Variants in CAPN13 observed in about 807,000 individuals in gnomAD.
The protein encoded by CAPN13 is calpain 13, also known as calpain-13.
Under a neutral mutation model 98.4 loss-of-function variants are expected in CAPN13, and 90 were observed. The observed-to-expected ratio is 0.92, with a 90% CI of 0.77 to 1.09. The LOEUF (loss-of-function observed/expected upper bound fraction) is 1.09. Ranked by LOEUF, CAPN13 falls within the 50% of genes least tolerant of loss-of-function variation. CAPN13 has a pLI of 0.00. For synonymous variants in CAPN13, 330 were observed against 305.5 expected (o/e 1.08, Z -0.84); for missense variants, 887 against 841.3 (o/e 1.05, Z -0.67).
chr2:30,781,914 A>G (rs985200599), intron 2 of CAPN13, among the ~76,000 whole-genome samples: 1 of 152,202 alleles, frequency 6.6e-6, no homozygotes, highest in African/African-American at 2.4e-5. Context: ...TCAACAGGGT[A>G]TATATTAATG....
intron 11 of CAPN13, among the ~76,000 whole-genome samples, chr2:30,748,588 T>C (rs1048400627): frequency 4.6e-5 from 7 of 152,008 alleles, no homozygotes; most frequent in African/African-American, 1.4e-4. Context: ...GAGCATCTAA[T>C]TGGGCAGGCC....
chr2:30,796,140 GTGTGTATATATATATATACATATATA>G (rs1268112429), intron 1 of CAPN13, among the ~76,000 whole-genome samples: 20 of 140,956 alleles, frequency 1.4e-4, no homozygotes, highest in South Asian at 2.2e-4. Flanking sequence ...ATATATATAT[GTGTGTATATATATATATACATATATA>G]TGTGTGTATA....
intron 2 of CAPN13, among the ~76,000 whole-genome samples, chr2:30,780,278 C>T (rs1482627249): frequency 6.6e-6 from 1 of 152,170 alleles, no homozygotes; most frequent in African/African-American, 2.4e-5. Flanking sequence ...AAAAAGAATC[C>T]TGCCACCATT....
intron 11 of CAPN13, among the ~76,000 whole-genome samples, chr2:30,748,207 AC>A (rs1672007976): frequency 6.6e-6 from 1 of 152,192 alleles, no homozygotes; most frequent in Non-Finnish European, 1.5e-5. Flanking sequence ...GGCTGGGCAG[AC>A]CAGGGGCCTC....
intron 5 of CAPN13, among the ~76,000 whole-genome samples, chr2:30,767,014 C>T (rs757705570): frequency 6.6e-6 from 1 of 152,300 alleles, no homozygotes; most frequent in East Asian, 1.9e-4. Context: ...ATGTGCCAGA[C>T]GCTGAGCTCC....
At position 30,730,793 on chromosome 2, in the gene CAPN13, A is replaced by C. The variant is rs761994026; in HGVS notation, c.1984-7T>G. The C allele has an allele frequency of 1.3e-6, 1 of 780,838 alleles. No individual in the cohort carries two copies. Among genetic ancestry groups the C allele is most frequent in the South Asian group, 1.3e-5 (1 of 74,616 alleles). The allele number at this position is 780,838 out of a possible 1,614,324, so 48.4% of individuals were successfully genotyped here. A position where few individuals can be genotyped will look rare whatever the true frequency, so the allele number is the denominator to read the frequency against. On this transcript the variant is annotated splice_region_variant and splice_polypyrimidine_tract_variant and intron_variant, in intron 21 of 22. Coordinates refer to ENST00000295055, the MANE Select transcript of CAPN13 (RefSeq NM_144575.3). ...ACATGACCAGGCTCATCCACTGAAA[A>C]ATAAGCATCATCATTACAACAATTC... is the stretch of plus-strand genomic sequence containing the variant.
chr2:30,739,349 C>T (rs1340404545), intron 15 of CAPN13, among the ~76,000 whole-genome samples: 1 of 151,990 alleles, frequency 6.6e-6, no homozygotes, highest in Non-Finnish European at 1.5e-5. Context: ...TAGGGTGCCT[C>T]CTGGGGGTCT....
Position 30,754,335 on chromosome 2 carries a change from G to A in CAPN13, c.896C>T (p.Pro299Leu), listed in dbSNP as rs369616026. 1.5e-5 allele frequency: 24 copies of A among 1,605,316 alleles called. No individual in the cohort carries two copies. The highest frequency in any genetic ancestry group is 9.4e-5 in the African/African-American group (7 of 74,636). The change falls in exon 9 of 23, where the codon CCG becomes CTG. Residue 299 changes from proline to leucine, a missense_variant. Transcript: ENST00000295055. ...GSQEWEETCDPRKSQLHKKRE... is the reference protein window; with the variant it reads ...GSQEWEETCDLRKSQLHKKRE... ...TTTCTTATGTAGCTGGCTTTTCCGCGGATCACAGGTTTCCTCCCACTCCTG... is the reference window on the plus strand; with the variant it reads ...TTTCTTATGTAGCTGGCTTTTCCGCAGATCACAGGTTTCCTCCCACTCCTG...
intron 5 of CAPN13, among the ~76,000 whole-genome samples, chr2:30,769,749 T>C (rs1393683315): frequency 6.6e-6 from 1 of 152,228 alleles, no homozygotes; most frequent in African/African-American, 2.4e-5. Context: ...TTTGACCATA[T>C]GAGAATAAGC....
In CAPN13 at chr2:30,758,152, G is replaced by C. The variant is rs764373076; in HGVS notation, c.775-15C>G. The C allele has an allele frequency of 6.3e-7, 1 of 1,574,850 alleles. No homozygotes were observed. The highest frequency in any genetic ancestry group is 2.3e-5 in the East Asian group (1 of 43,162). ...CGGTATTGAATCTGTAAAGAAAACA[G>C]AAAAGGAAACTCAGTGCTCTACAGC... is the stretch of plus-strand genomic sequence containing the variant. On this transcript the variant is annotated splice_polypyrimidine_tract_variant and intron_variant, in intron 7 of 22. Transcript: ENST00000295055.
Position 30,775,911 on chromosome 2 carries a change from G to T in CAPN13, c.387+19C>A. On this transcript the variant is annotated intron_variant, in intron 4 of 22. Transcript: ENST00000295055. ...CAGAGAACCCCATCATATAATGAGCGCTGCAAGGGCACACGTACCCGGAAA... is the reference window on the plus strand; with the variant it reads ...CAGAGAACCCCATCATATAATGAGCTCTGCAAGGGCACACGTACCCGGAAA... 6.4e-7 allele frequency: 1 copy of T among 1,567,544 alleles called. No individual in the cohort carries two copies. The highest frequency in any genetic ancestry group is 8.7e-7 in the Non-Finnish European group (1 of 1,146,444).
intron 19 of CAPN13, 82 bp downstream of exon 19, chr2:30,734,367 G>C (rs1376881607): frequency 5.7e-5 from 61 of 1,064,862 alleles, no homozygotes; most frequent in South Asian, 4.1e-4. Context: ...TGGCACTGTT[G>C]TGCCAGCCTT....
intron 1 of CAPN13, among the ~76,000 whole-genome samples, chr2:30,797,928 G>A (rs1315243967): frequency 2.6e-5 from 4 of 152,212 alleles, no homozygotes; most frequent in African/African-American, 9.7e-5. Context: ...TGCTTACCCT[G>A]TCCTACACGA....
chr2:30,785,675 T>C (rs1674237092), intron 2 of CAPN13, among the ~76,000 whole-genome samples: 1 of 152,214 alleles, frequency 6.6e-6, no homozygotes, highest in South Asian at 2.1e-4. Flanking sequence ...CTCAATCCTT[T>C]CTAAAGAGAA....
intron 8 of CAPN13, among the ~76,000 whole-genome samples, chr2:30,756,390 G>A (rs1672449709): frequency 6.6e-6 from 1 of 152,128 alleles, no homozygotes; most frequent in Non-Finnish European, 1.5e-5. Context: ...GCCAACTCAA[G>A]TTCAGTCCCA....
intron 5 of CAPN13, 101 bp from the exon 6 acceptor site, chr2:30,764,407 C>T: frequency 2.3e-6 from 3 of 1,304,462 alleles, no homozygotes; most frequent in Non-Finnish European, 3.2e-6. Flanking sequence ...AGGTAAGGGG[C>T]TGCCTGGTCC....
At chr2:30,785,446 A>T (rs1186080118) in intron 2 of CAPN13, among the ~76,000 whole-genome samples, 1 of 152,230 alleles carries the variant, frequency 6.6e-6, no homozygotes, top group Non-Finnish European at 1.5e-5. Context: ...TGCCAGAATG[A>T]AAAATACCCC....
intron 1 of CAPN13, among the ~76,000 whole-genome samples, chr2:30,799,882 G>A (rs1468074516): frequency 2.0e-5 from 3 of 152,020 alleles, no homozygotes; most frequent in Non-Finnish European, 4.4e-5. Flanking sequence ...GACCATCCTA[G>A]CTAACACGGT....
intron 21 of CAPN13, 96 bp downstream of exon 21, chr2:30,731,248 C>A: frequency 8.9e-7 from 1 of 1,126,640 alleles, no homozygotes; most frequent in South Asian, 1.7e-5. Context: ...TTTGACAGAC[C>A]GTTCAATATC....
Sources: gnomAD v4.1 joint callset for allele counts (sites outside exome capture counted in the v4.1 genomes callset) on GRCh38, gnomAD v4.1.1 for gene constraint, MANE v1.5 for transcripts, NCBI Gene and HGNC (gene_info 2026-07-23, HGNC 2026-07-21) for gene names.